RASAL2: variants seen among roughly 807,000 people sequenced by gnomAD.
The protein encoded by RASAL2 is ras GTPase-activating protein nGAP.
In RASAL2, 58 loss-of-function variants were observed where a neutral mutation model predicts 128.9. The observed-to-expected ratio is 0.45, with a 90% confidence interval of 0.36 to 0.56. The LOEUF (loss-of-function observed/expected upper bound fraction) is 0.56. Among genes scored for constraint, RASAL2 ranks in the 20% least tolerant of loss-of-function variants. The pLI is 0.00. For synonymous variants in RASAL2, 561 were observed against 580.8 expected, an observed-to-expected ratio of 0.97 and a Z score of 0.49; for missense variants, 1,360 against 1,601.6, an observed-to-expected ratio of 0.85 and a Z score of 2.57.
chr1:178,191,806 AG>A (rs1158624039), intron 1 of RASAL2, among the ~76,000 whole-genome samples: 1 of 152,214 alleles, frequency 6.6e-6, no homozygotes, highest in Non-Finnish European at 1.5e-5. Flanking sequence ...TGTGGCACAC[AG>A]ACAATAAGTA....
intron 3 of RASAL2, among the ~76,000 whole-genome samples, chr1:178,385,856 T>C (rs1672537716): frequency 6.6e-6 from 1 of 152,224 alleles, no homozygotes; most frequent in Admixed American, 6.5e-5. Context: ...TCTTCTTCCC[T>C]GTTAAACCTG....
intron 9 of RASAL2, among the ~76,000 whole-genome samples, chr1:178,450,376 G>A (rs1001018412): frequency 1.3e-5 from 2 of 151,974 alleles, no homozygotes; most frequent in Non-Finnish European, 1.5e-5. Flanking sequence ...TGATGGATCC[G>A]GATTTGAGCC....
At chr1:178,367,125 G>C (rs559207742) in intron 3 of RASAL2, among the ~76,000 whole-genome samples, 1 of 152,222 alleles carries the variant, frequency 6.6e-6, no homozygotes, top group South Asian at 2.1e-4. Context: ...TCTTGCCTCG[G>C]AGTCTTCCTG....
At position 178,191,127 on chromosome 1, in the gene RASAL2, A is replaced by T. The variant is rs114259761; in HGVS notation, c.203-92437A>T. On this transcript the variant is annotated intron_variant, in intron 1 of 17. Transcript: ENST00000367649. ...ATTGTTAGCATGATCCTTAATTAAA[A>T]TCATCCAAATGATAGAAGGTTCTTC... 2.4e-3 allele frequency among the ~76,000 whole-genome samples: 372 copies of T among 152,292 alleles called. 2 individuals are homozygous for T. The highest frequency in any genetic ancestry group is 4.3e-3 in the Non-Finnish European group (295 of 68,022).
At chr1:178,361,129 G>C (rs1416625093) in intron 3 of RASAL2, among the ~76,000 whole-genome samples, 1 of 152,118 alleles carries the variant, frequency 6.6e-6, no homozygotes, top group Non-Finnish European at 1.5e-5. Flanking sequence ...TAATAATGTA[G>C]TTCTGTAAAA....
At chr1:178,353,250 C>G (rs916910285) in intron 3 of RASAL2, among the ~76,000 whole-genome samples, 1 of 152,152 alleles carries the variant, frequency 6.6e-6, no homozygotes, top group African/African-American at 2.4e-5. Flanking sequence ...TTTGCTCATG[C>G]GTATGAGCAT....
chr1:178,192,445 T>G (rs773086810), intron 1 of RASAL2, among the ~76,000 whole-genome samples: 2 of 152,240 alleles, frequency 1.3e-5, no homozygotes, highest in Non-Finnish European at 2.9e-5. Flanking sequence ...AGTGTTCAAA[T>G]ACAGAATGCT....
intron 5 of RASAL2, among the ~76,000 whole-genome samples, chr1:178,436,275 T>C (rs1437586387): frequency 6.6e-6 from 1 of 152,098 alleles, no homozygotes; most frequent in Non-Finnish European, 1.5e-5. Flanking sequence ...ATGTTGAATA[T>C]ATTCGTGACT....
At chr1:178,112,974 T>A (rs1659387717) in intron 1 of RASAL2, among the ~76,000 whole-genome samples, 1 of 152,214 alleles carries the variant, frequency 6.6e-6, no homozygotes, top group Non-Finnish European at 1.5e-5. Context: ...GATTTTCTTC[T>A]ATTTTTTTCA....
intron 2 of RASAL2, among the ~76,000 whole-genome samples, chr1:178,296,396 G>A (rs996027094): frequency 2.0e-5 from 3 of 152,090 alleles, no homozygotes; most frequent in Non-Finnish European, 4.4e-5. Flanking sequence ...GTCTCACTCT[G>A]TCACCCAGGC....
intron 3 of RASAL2, among the ~76,000 whole-genome samples, chr1:178,361,675 G>A (rs1671114267): frequency 6.6e-6 from 1 of 152,104 alleles, no homozygotes; most frequent in Non-Finnish European, 1.5e-5. Context: ...TGGTTTCATG[G>A]AAGATTTTTC....
rs192209473 is a variant in RASAL2, at chr1:178,112,083, A to G, written c.202+17389A>G. Among the ~76,000 whole-genome samples the G allele has an allele frequency of 3.7e-4, 57 of 152,196 alleles. 1 individual carries two copies. The highest frequency in any genetic ancestry group is 3.3e-3 in the Admixed American group (50 of 15,300). On this transcript the variant is annotated intron_variant, in intron 1 of 17. Coordinates refer to ENST00000367649, the MANE Select transcript of RASAL2 (RefSeq NM_170692.4). ...CTTATTTATTGTATGAAGTCCTCATATATTTTGGATATGTCCTTTGTCAGA... is the reference window on the plus strand; with the variant it reads ...CTTATTTATTGTATGAAGTCCTCATGTATTTTGGATATGTCCTTTGTCAGA...
At chr1:178,453,216 C>T (rs1677514240) in intron 11 of RASAL2, among the ~76,000 whole-genome samples, 1 of 151,716 alleles carries the variant, frequency 6.6e-6, no homozygotes, top group Non-Finnish European at 1.5e-5. Context: ...ATATATATGT[C>T]CTTTTGGGGG....
intron 1 of RASAL2, among the ~76,000 whole-genome samples, chr1:178,138,775 G>T (rs747328563): frequency 1.3e-5 from 2 of 152,014 alleles, no homozygotes; most frequent in Non-Finnish European, 2.9e-5. Context: ...CATCCGAATG[G>T]AGTTGATGAT....
intron 1 of RASAL2, among the ~76,000 whole-genome samples, chr1:178,162,306 T>TATAA (rs1553255247): frequency 7.8e-6 from 1 of 128,498 alleles, no homozygotes; most frequent in Non-Finnish European, 1.6e-5. Context: ...TATATATATA[T>TATAA]ATAATGTATT....
At chr1:178,306,618 T>C (rs1339534053) in intron 3 of RASAL2, among the ~76,000 whole-genome samples, 1 of 151,982 alleles carries the variant, frequency 6.6e-6, no homozygotes, top group East Asian at 1.9e-4. Context: ...TATCTCATTG[T>C]GGTTTTGATT....
intron 3 of RASAL2, among the ~76,000 whole-genome samples, chr1:178,320,158 T>A (rs1320052432): frequency 2.6e-5 from 4 of 151,944 alleles, no homozygotes; most frequent in Non-Finnish European, 5.9e-5. Flanking sequence ...GGTTCTCAGA[T>A]CTCCAGCTGC....
chr1:178,191,242 T>C (rs1662483086), intron 1 of RASAL2, among the ~76,000 whole-genome samples: 1 of 152,116 alleles, frequency 6.6e-6, no homozygotes, highest in South Asian at 2.1e-4. Flanking sequence ...CAGGCAGAAT[T>C]AGACGCAGTT....
At chr1:178,186,761 G>A (rs1662316392) in intron 1 of RASAL2, among the ~76,000 whole-genome samples, 2 of 151,700 alleles carry the variant, frequency 1.3e-5, no homozygotes, top group Admixed American at 6.6e-5. Context: ...TTGGTTTTAT[G>A]GATTTTTAGT....
Sources: gnomAD v4.1 joint callset for allele counts (sites outside exome capture counted in the v4.1 genomes callset) on GRCh38, gnomAD v4.1.1 for gene constraint, MANE v1.5 for transcripts, NCBI Gene and HGNC (gene_info 2026-07-23, HGNC 2026-07-21) for gene names.